Variants in MUC13 observed in about 807,000 individuals in gnomAD.
MUC13 encodes mucin 13, cell surface associated.
In MUC13, 32 loss-of-function variants were observed where a neutral mutation model predicts 48.3. That is an observed-to-expected ratio of 0.66 (90% CI 0.50 to 0.89). MUC13 has a LOEUF of 0.89. Ranked by LOEUF, MUC13 falls within the 40% of genes least tolerant of loss-of-function variation. The probability of loss-of-function intolerance (pLI) is 0.00; values close to 1 mark genes in which losing one functional copy is unlikely to be tolerated. For synonymous variants in MUC13, 199 were observed against 224.9 expected, an observed-to-expected ratio of 0.88 and a Z score of 1.03; for missense variants, 571 against 622.8, an observed-to-expected ratio of 0.92 and a Z score of 0.88.
intron 4 of MUC13, among the ~76,000 whole-genome samples, chr3:124,921,754 G>A (rs1935596310): frequency 6.6e-6 from 1 of 152,104 alleles, no homozygotes; most frequent in Non-Finnish European, 1.5e-5. Context: ...GAAAATTTAT[G>A]CAAATTTGAA....
chr3:124,913,493 A>T lies in MUC13; in HGVS notation c.1084+69T>A. The T allele has an allele frequency of 6.8e-6, 11 of 1,609,102 alleles. No homozygotes were observed. The South Asian group carries it at 1.2e-4, about 18-fold the overall frequency. On this transcript the variant is annotated intron_variant, in intron 7 of 11. Coordinates refer to ENST00000616727, the MANE Select transcript of MUC13 (RefSeq NM_033049.4). ...ATGCATGTGGAAACTAAAGGAGTGA[A>T]TTTTTTATGTTGCAAAAGAAGAGAA...
At chr3:124,907,903 C>T (rs1340982392) in intron 11 of MUC13, among the ~76,000 whole-genome samples, 1 of 152,000 alleles carries the variant, frequency 6.6e-6, no homozygotes, top group Non-Finnish European at 1.5e-5. Flanking sequence ...TTAAGCTGAC[C>T]TTTTTACAGA....
chr3:124,912,358 A>C, intron 8 of MUC13: 13 of 629,578 alleles, frequency 2.1e-5, no homozygotes, highest in East Asian at 8.7e-5. Flanking sequence ...ACGCAATCTC[A>C]TGCAGGCTCA....
intron 11 of MUC13, 60 bp downstream of exon 11, chr3:124,908,087 T>C: frequency 6.6e-7 from 1 of 1,515,618 alleles, no homozygotes; most frequent in South Asian, 1.2e-5. Flanking sequence ...AGCAACCAGG[T>C]CTCTGCTCTG....
intron 4 of MUC13, among the ~76,000 whole-genome samples, chr3:124,921,528 C>A (rs1030561769): frequency 6.6e-6 from 1 of 152,162 alleles, no homozygotes; most frequent in Non-Finnish European, 1.5e-5. Flanking sequence ...ATTGGCTGGA[C>A]ATGCTCTGAG....
chr3:124,913,717 A>G (rs375055255), intron 6 of MUC13, 36 bp from the exon 7 acceptor site: 8 of 1,612,704 alleles, frequency 5.0e-6, no homozygotes, highest in Admixed American at 1.7e-5. Flanking sequence ...TATATTCAGC[A>G]TGACAATATG....
intron 7 of MUC13, 60 bp from the exon 8 acceptor site, chr3:124,913,300 A>C: frequency 3.8e-6 from 6 of 1,574,110 alleles, no homozygotes; most frequent in Non-Finnish European, 5.2e-6. Flanking sequence ...CCCCAAAGTC[A>C]CATGTGACAA....
intron 8 of MUC13, among the ~76,000 whole-genome samples, chr3:124,912,841 C>T (rs1405160080): frequency 2.1e-5 from 3 of 145,836 alleles, no homozygotes; most frequent in Non-Finnish European, 4.4e-5. Flanking sequence ...GAGGCTGAGG[C>T]AGGAGAATCA....
At chr3:124,928,234 G>GA (rs1183085057) in intron 1 of MUC13, among the ~76,000 whole-genome samples, 16 of 150,872 alleles carry the variant, frequency 1.1e-4, no homozygotes, top group Admixed American at 2.6e-4. Flanking sequence ...TTCTTTTCTG[G>GA]AAAAATGAAA....
intron 8 of MUC13, among the ~76,000 whole-genome samples, chr3:124,912,798 G>A (rs1385264371): frequency 4.0e-5 from 6 of 151,852 alleles, no homozygotes; most frequent in Non-Finnish European, 7.4e-5. Context: ...TAGCTGGACA[G>A]GGTGGCAGGC....
chr3:124,916,889 CAG>C (rs1398473871), intron 5 of MUC13, among the ~76,000 whole-genome samples: 5 of 152,052 alleles, frequency 3.3e-5, no homozygotes, highest in African/African-American at 1.2e-4. Context: ...TTGGGAGAGA[CAG>C]AGGGGCGCGT....
At chr3:124,911,168 C>T (rs998148980) in intron 9 of MUC13, among the ~76,000 whole-genome samples, 4 of 152,318 alleles carry the variant, frequency 2.6e-5, no homozygotes, top group Admixed American at 1.3e-4. Context: ...AAATCAACCT[C>T]ATCTGTTTCT....
chr3:124,908,042 A>AGAAAAT (rs1370191560), intron 11 of MUC13, 105 bp downstream of exon 11: 2 of 1,106,972 alleles, frequency 1.8e-6, no homozygotes, highest in East Asian at 5.1e-5. Context: ...AAAAAGAAAA[A>AGAAAAT]GAAAGCCTGC....
rs955839772 is a variant in MUC13, at chr3:124,922,182, T to C, written c.744+15A>G. 5 of 1,613,548 alleles carry C rather than the reference T, an allele frequency of 3.1e-6. No homozygotes were observed. Among genetic ancestry groups the C allele is most frequent in the Admixed American group, 3.3e-5 (2 of 59,952 alleles). ...AAAGAATGCTTTACAGAAAGGAAAG[T>C]TGGAAAATACTTACCAAGCTAGTAA... On this transcript the variant is annotated intron_variant, in intron 4 of 11. Coordinates refer to ENST00000616727, the MANE Select transcript of MUC13 (RefSeq NM_033049.4).
chr3:124,932,600 A>G (rs2107675072), intron 1 of MUC13, among the ~76,000 whole-genome samples: 1 of 152,150 alleles, frequency 6.6e-6, no homozygotes, highest in East Asian at 1.9e-4. Flanking sequence ...AAAGAAAATC[A>G]GATCCAAGTG....
intron 5 of MUC13, among the ~76,000 whole-genome samples, chr3:124,919,383 T>C (rs1935556585): frequency 7.1e-6 from 1 of 141,810 alleles, no homozygotes; most frequent in Non-Finnish European, 1.5e-5. Context: ...AGAGATGTAA[T>C]GTCACTATGT....
At chr3:124,910,600 G>C in intron 9 of MUC13, 101 bp from the exon 10 acceptor site, 1 of 1,522,232 alleles carries the variant, frequency 6.6e-7, no homozygotes, top group Non-Finnish European at 8.9e-7. Context: ...CTGTGAAGAC[G>C]ATCAGGTTCT....
chr3:124,919,298 A>G (rs886080446), intron 5 of MUC13, among the ~76,000 whole-genome samples: 4 of 148,366 alleles, frequency 2.7e-5, no homozygotes, highest in Admixed American at 1.4e-4. Context: ...TATCACACCA[A>G]TGCACTCCAG....
chr3:124,922,059 C>T (rs1246477744), intron 4 of MUC13, 138 bp downstream of exon 4: 1 of 997,968 alleles, frequency 1.0e-6, no homozygotes, highest in Non-Finnish European at 1.4e-6. Context: ...GTTTACCGAC[C>T]AGTAAAGGTA....
Sources: gnomAD v4.1 joint callset for allele counts (sites outside exome capture counted in the v4.1 genomes callset) on GRCh38, gnomAD v4.1.1 for gene constraint, MANE v1.5 for transcripts, NCBI Gene and HGNC (gene_info 2026-07-23, HGNC 2026-07-21) for gene names.